The following APP variants were observed in gnomAD, a reference collection of about 807,000 sequenced individuals.
The protein encoded by APP is amyloid beta precursor protein, also known as amyloid-beta precursor protein.
Under a neutral mutation model 101.4 loss-of-function variants are expected in APP, and 31 were observed. The ratio of observed to expected loss-of-function variants is 0.31; its 90% CI spans 0.23 to 0.41. The LOEUF (loss-of-function observed/expected upper bound fraction) is 0.41. Ranked by LOEUF, APP falls within the 10% of genes least tolerant of loss-of-function variation. The probability of loss-of-function intolerance (pLI) is 1.00; values close to 1 mark genes in which losing one functional copy is unlikely to be tolerated. For synonymous variants in APP, 366 were observed against 364.4 expected (o/e 1.00, Z -0.05); for missense variants, 839 against 1,003.7 (o/e 0.84, Z 2.22).
At chr21:26,144,505 C>T (rs2063115196) in intron 1 of APP, among the ~76,000 whole-genome samples, 2 of 152,032 alleles carry the variant, frequency 1.3e-5, no homozygotes, top group Admixed American at 1.3e-4. Context: ...ATTATAATCT[C>T]CTACACTAAA....
intron 3 of APP, among the ~76,000 whole-genome samples, chr21:26,062,222 A>ACAC: frequency 1.1e-5 from 1 of 92,010 alleles, no homozygotes; most frequent in African/African-American, 3.5e-5. Context: ...AAAACAAACA[A>ACAC]ACAAACAAAC....
At chr21:25,901,492 C>T (rs2038483444) in intron 15 of APP, among the ~76,000 whole-genome samples, 1 of 152,038 alleles carries the variant, frequency 6.6e-6, no homozygotes, top group Admixed American at 6.6e-5. Context: ...AGAGCTCTTG[C>T]TATAATAGTT....
chr21:26,063,849 G>A (rs1453128916), intron 3 of APP, among the ~76,000 whole-genome samples: 1 of 152,194 alleles, frequency 6.6e-6, no homozygotes, highest in East Asian at 1.9e-4. Flanking sequence ...CACATAAAGT[G>A]GGAAGAAGAG....
At chr21:25,991,433 G>GA (rs1297998214) in intron 8 of APP, among the ~76,000 whole-genome samples, 1 of 152,008 alleles carries the variant, frequency 6.6e-6, no homozygotes, top group East Asian at 1.9e-4. Context: ...GCTGGAGTGC[G>GA]ATGGTGTGAT....
intron 13 of APP, chr21:25,942,338 C>G (rs1033122785): frequency 6.6e-6 from 1 of 152,134 alleles, no homozygotes; most frequent in African/African-American, 2.4e-5. Flanking sequence ...AGTCTTTAGT[C>G]TTATTCATCA....
In APP at chr21:25,911,737, T is replaced by C; in HGVS notation, c.1909+4A>G. The C allele has an allele frequency of 1.9e-6, 3 of 1,613,998 alleles. No homozygotes were observed. Among genetic ancestry groups the C allele is most frequent in the Non-Finnish European group, 2.5e-6 (3 of 1,179,944 alleles). On this transcript the variant is annotated splice_donor_region_variant and intron_variant, in intron 14 of 17. Coordinates refer to ENST00000346798, the MANE Select transcript of APP (RefSeq NM_000484.4). ...ACGCCCTTGCTGGCTCAGGGGACTC[T>C]TACCTTCGTTTTCTGTGTTGGCTGG...
intron 16 of APP, among the ~76,000 whole-genome samples, chr21:25,896,792 T>C (rs189621345): frequency 6.6e-6 from 1 of 152,230 alleles, no homozygotes; most frequent in East Asian, 1.9e-4. Context: ...GGGAACATCA[T>C]GGGGTCCTGC....
intron 6 of APP, among the ~76,000 whole-genome samples, chr21:26,006,796 C>A (rs1382923828): frequency 6.6e-6 from 1 of 152,100 alleles, no homozygotes; most frequent in Non-Finnish European, 1.5e-5. Context: ...ATAATGCCTT[C>A]TTATGAAGCA....
At chr21:25,892,046 T>TAAA (rs10547971) in intron 16 of APP, among the ~76,000 whole-genome samples, 178 bp from the exon 17 acceptor site, 10 of 138,848 alleles carry the variant, frequency 7.2e-5, no homozygotes, top group South Asian at 2.3e-4. Context: ...ATGCTTACTT[T>TAAA]AAAAAAAAAA....
At chr21:26,130,852 T>A (rs2062779319) in intron 1 of APP, among the ~76,000 whole-genome samples, 1 of 152,098 alleles carries the variant, frequency 6.6e-6, no homozygotes, top group Non-Finnish European at 1.5e-5. Context: ...GAAAAAAAAA[T>A]TCTGCTTCAA....
At chr21:25,958,363 G>A (rs550863565) in intron 11 of APP, among the ~76,000 whole-genome samples, 51 of 152,180 alleles carry the variant, frequency 3.4e-4, no homozygotes, top group Middle Eastern at 3.4e-3. Context: ...TGCAACCTCC[G>A]CCTCCTGGGT....
At chr21:26,141,258 A>G (rs1259028105) in intron 1 of APP, among the ~76,000 whole-genome samples, 2 of 152,220 alleles carry the variant, frequency 1.3e-5, no homozygotes, top group African/African-American at 2.4e-5. Context: ...GGTTTGTACA[A>G]GCACAGATTA....
chr21:25,975,856 C>T (rs1242868734), intron 10 of APP, 98 bp downstream of exon 10: 7 of 942,738 alleles, frequency 7.4e-6, no homozygotes, highest in East Asian at 2.5e-5. Flanking sequence ...TATGAACAAT[C>T]ACACGTGAGG....
At chr21:26,104,580 T>A (rs576847295) in intron 2 of APP, among the ~76,000 whole-genome samples, 1 of 152,278 alleles carries the variant, frequency 6.6e-6, no homozygotes, top group African/African-American at 2.4e-5. Flanking sequence ...ACTTTTTCTC[T>A]TGAACCTTGC....
chr21:26,161,547 GTTTC>G lies in APP; in HGVS notation c.57+9013_57+9016del, dbSNP rs537001489. Among the ~76,000 whole-genome samples the G allele has an allele frequency of 8.9e-4, 136 of 152,118 alleles. 1 individual carries two copies. Among genetic ancestry groups the G allele is most frequent in the African/African-American group, 3.1e-3 (129 of 41,508 alleles). ...CTTGGTTGTACCCCTAAGAATCTAG[GTTTC>G]TTTGTGTATGAAAATAAGCTAATTT... On this transcript the variant is annotated intron_variant, in intron 1 of 17. Transcript: ENST00000346798.
intron 15 of APP, among the ~76,000 whole-genome samples, chr21:25,900,640 T>C (rs1291326945): frequency 1.3e-5 from 2 of 152,120 alleles, no homozygotes; most frequent in African/African-American, 4.8e-5. Context: ...AAAACTTTCT[T>C]GAACAGTTTG....
intron 6 of APP, among the ~76,000 whole-genome samples, chr21:26,015,640 C>T (rs1398662474): frequency 6.6e-6 from 1 of 151,972 alleles, no homozygotes; most frequent in Non-Finnish European, 1.5e-5. Flanking sequence ...CTTAACTGGC[C>T]CAAGGTCATA....
rs2063420868 is a variant in APP, at chr21:26,158,543, C to T, written c.57+12021G>A. ...TATCTGGCCCATGAGATTAAGCAGA[C>T]CTTGAAAAGGACTTCTACAAAAGCT... On this transcript the variant is annotated intron_variant, in intron 1 of 17. Coordinates refer to ENST00000346798, the MANE Select transcript of APP (RefSeq NM_000484.4). Among the ~76,000 whole-genome samples, 4 of 152,288 alleles carry T rather than the reference C, an allele frequency of 2.6e-5. No individual in the cohort carries two copies. In the South Asian group the frequency reaches 8.3e-4, roughly 32 times the overall value.
intron 13 of APP, among the ~76,000 whole-genome samples, chr21:25,929,389 GTTTT>G: frequency 6.6e-6 from 1 of 150,930 alleles, no homozygotes; most frequent in African/African-American, 2.4e-5. Flanking sequence ...AAGAGTAGTG[GTTTT>G]TTTTTAATGG....
Sources: allele counts gnomAD v4.1 joint callset (sites outside exome capture counted in the v4.1 genomes callset), GRCh38; gene constraint gnomAD v4.1.1; transcripts MANE v1.5; gene names NCBI Gene and HGNC (gene_info 2026-07-23, HGNC 2026-07-21).